The following TMEM108 variants were observed in gnomAD, a reference collection of about 807,000 sequenced individuals.
TMEM108 encodes the protein cancer/testis antigen 124.
Under a neutral mutation model 35.1 loss-of-function variants are expected in TMEM108, and 12 were observed. That is an observed-to-expected ratio of 0.34 (90% CI 0.22 to 0.55). TMEM108 has a LOEUF of 0.55. Among genes scored for constraint, TMEM108 ranks in the 20% least tolerant of loss-of-function variants. TMEM108 has a pLI of 0.89. For missense variants in TMEM108, 680 were observed against 753.3 expected, an observed-to-expected ratio of 0.90 and a Z score of 1.14; for synonymous variants, 287 against 308.6, an observed-to-expected ratio of 0.93 and a Z score of 0.73.
chr3:133,233,175 A>T (rs989907747), intron 3 of TMEM108, among the ~76,000 whole-genome samples: 1 of 151,960 alleles, frequency 6.6e-6, no homozygotes, highest in African/African-American at 2.4e-5. Flanking sequence ...TATCTCCTAA[A>T]GCTATCCCTC....
chr3:133,162,851 G>A (rs1944980886), intron 2 of TMEM108, among the ~76,000 whole-genome samples: 1 of 152,212 alleles, frequency 6.6e-6, no homozygotes, highest in African/African-American at 2.4e-5. Flanking sequence ...GATTTGCAGA[G>A]TAGCACAGCT....
intron 2 of TMEM108, among the ~76,000 whole-genome samples, chr3:133,211,797 G>C (rs1344780532): frequency 6.6e-6 from 1 of 152,144 alleles, no homozygotes. Flanking sequence ...AATTACTTCT[G>C]AGTCCTCAAG....
intron 3 of TMEM108, among the ~76,000 whole-genome samples, chr3:133,310,105 A>G (rs1321238026): frequency 1.3e-5 from 2 of 151,910 alleles, no homozygotes; most frequent in Non-Finnish European, 2.9e-5. Flanking sequence ...GTTCTTTTAT[A>G]TTTGCTTTAC....
At chr3:133,306,996 A>G (rs1257325940) in intron 3 of TMEM108, among the ~76,000 whole-genome samples, 1 of 152,178 alleles carries the variant, frequency 6.6e-6, no homozygotes, top group African/African-American at 2.4e-5. Flanking sequence ...CAACAGTGTA[A>G]AAGTGTTCCT....
chr3:133,054,681 C>A (rs1943444695), intron 2 of TMEM108, among the ~76,000 whole-genome samples: 1 of 152,190 alleles, frequency 6.6e-6, no homozygotes, highest in Non-Finnish European at 1.5e-5. Context: ...TAAGGGAATG[C>A]ATTCTAATAC....
intron 2 of TMEM108, among the ~76,000 whole-genome samples, chr3:133,225,712 A>C (rs953707164): frequency 2.6e-5 from 4 of 151,986 alleles, no homozygotes; most frequent in Non-Finnish European, 5.9e-5. Flanking sequence ...AAGCAATCTC[A>C]AGTAACAAGT....
At chr3:133,098,878 T>G (rs1944050792) in intron 2 of TMEM108, among the ~76,000 whole-genome samples, 1 of 152,060 alleles carries the variant, frequency 6.6e-6, no homozygotes, top group Non-Finnish European at 1.5e-5. Context: ...TGGCGTTGAG[T>G]GCGGCTTTTC....
chr3:133,073,510 C>CTATATATA lies in TMEM108; in HGVS notation c.-47+27508_-47+27515dup, dbSNP rs1183039173. On this transcript the variant is annotated intron_variant, in intron 2 of 5. Transcript: ENST00000321871. ...TCTCTCTCTCTCTCTCTCTCTCTCT[C>CTATATATA]TATATATATATATATATATATATAT... Among the ~76,000 whole-genome samples the CTATATATA allele has an allele frequency of 2.5e-3, 111 of 43,868 alleles. 3 individuals are homozygous for CTATATATA. Among genetic ancestry groups the CTATATATA allele is most frequent in the African/African-American group, 4.4e-3 (37 of 8,418 alleles). 28.8% of individuals were successfully genotyped at this position (43,868 alleles called of 152,430 possible). A position where few individuals can be genotyped will look rare whatever the true frequency, so the allele number is the denominator to read the frequency against.
At chr3:133,050,675 C>T (rs1286723866) in intron 2 of TMEM108, among the ~76,000 whole-genome samples, 2 of 151,822 alleles carry the variant, frequency 1.3e-5, no homozygotes, top group Non-Finnish European at 2.9e-5. Flanking sequence ...TCTCCCACCC[C>T]TTTGCCCTTC....
chr3:133,121,161 A>T (rs1944347843), intron 2 of TMEM108, among the ~76,000 whole-genome samples: 1 of 152,204 alleles, frequency 6.6e-6, no homozygotes, highest in African/African-American at 2.4e-5. Flanking sequence ...TCCCTCAGAA[A>T]CAAGCTGCCT....
intron 2 of TMEM108, among the ~76,000 whole-genome samples, chr3:133,071,031 A>G (rs757050418): frequency 6.6e-6 from 1 of 152,224 alleles, no homozygotes; most frequent in East Asian, 1.9e-4. Flanking sequence ...CCTCTCTGTT[A>G]CCAGCATATT....
intron 2 of TMEM108, among the ~76,000 whole-genome samples, chr3:133,107,849 A>G (rs1944174568): frequency 6.6e-6 from 1 of 152,136 alleles, no homozygotes; most frequent in Non-Finnish European, 1.5e-5. Context: ...TAGATTTCCT[A>G]AATCCAAGTT....
chr3:133,265,672 C>T (rs773442853), intron 3 of TMEM108, among the ~76,000 whole-genome samples: 20 of 152,100 alleles, frequency 1.3e-4, no homozygotes, highest in South Asian at 4.1e-4. Context: ...TGGGCTTTTG[C>T]GGAAAGCCTG....
Position 133,155,809 on chromosome 3 carries a change from G to A in TMEM108, c.-46-73457G>A, listed in dbSNP as rs543169401. ...GTTCTGTGGGTTGTCTGTTTATTCT[G>A]TTGATGGTTTCTTTTGCTGTGCAAA... On this transcript the variant is annotated intron_variant, in intron 2 of 5. Transcript: ENST00000321871. Among the ~76,000 whole-genome samples the A allele has an allele frequency of 2.0e-5, 3 of 152,104 alleles. No individual in the cohort carries two copies. The South Asian group carries it at 6.2e-4, about 32-fold the overall frequency.
intron 3 of TMEM108, among the ~76,000 whole-genome samples, chr3:133,254,303 A>T (rs969990753): frequency 1.1e-4 from 17 of 152,362 alleles, no homozygotes; most frequent in Middle Eastern, 3.4e-3. Flanking sequence ...GGAGAAAAAA[A>T]TAGTGACAAC....
intron 3 of TMEM108, among the ~76,000 whole-genome samples, chr3:133,329,546 A>C (rs889548370): frequency 2.6e-5 from 4 of 152,192 alleles, no homozygotes; most frequent in Non-Finnish European, 5.9e-5. Context: ...CCCAACCTCC[A>C]GCGGCTCCTT....
intron 3 of TMEM108, among the ~76,000 whole-genome samples, chr3:133,280,571 G>C (rs1946898841): frequency 6.6e-6 from 1 of 152,124 alleles, no homozygotes; most frequent in Non-Finnish European, 1.5e-5. Flanking sequence ...GCTCTGTGAG[G>C]CCCGATTTAA....
chr3:133,202,085 A>G (rs1024253973), intron 2 of TMEM108, among the ~76,000 whole-genome samples: 2 of 152,200 alleles, frequency 1.3e-5, no homozygotes, highest in African/African-American at 4.8e-5. Flanking sequence ...TTTGTTGGCT[A>G]TATAAATGTC....
intron 5 of TMEM108, among the ~76,000 whole-genome samples, chr3:133,394,445 TCTTC>T (rs1422721939): frequency 2.0e-5 from 3 of 152,248 alleles, no homozygotes; most frequent in Admixed American, 6.5e-5. Context: ...TGTTTTCTCT[TCTTC>T]CTTCTTTTCT....
Sources: gnomAD v4.1 joint callset for allele counts (sites outside exome capture counted in the v4.1 genomes callset) on GRCh38, gnomAD v4.1.1 for gene constraint, MANE v1.5 for transcripts, NCBI Gene and HGNC (gene_info 2026-07-23, HGNC 2026-07-21) for gene names.